The following F8 variants were observed in gnomAD, a reference collection of about 807,000 sequenced individuals.
F8 encodes the protein antihemophilic factor.
F8 carries 12 observed loss-of-function variants against 140.6 expected under a neutral mutation model. The observed-to-expected ratio is 0.09, with a 90% CI of 0.05 to 0.14. The LOEUF is 0.14. Among genes scored for constraint, F8 ranks in the 10% least tolerant of loss-of-function variants. F8 has a pLI of 1.00. For synonymous variants in F8, 585 were observed against 614.6 expected (o/e 0.95, Z 0.71); for missense variants, 1,354 against 1,720.7 (o/e 0.79, Z 3.77).
At chrX:154,925,549 G>A (rs1362818063) in intron 14 of F8, among the ~76,000 whole-genome samples, 9 of 112,637 alleles carry the variant, frequency 8.0e-5, no homozygotes, top group Admixed American at 6.5e-4. Context: ...CCAAGACCAT[G>A]GGCACCCACC....
intron 1 of F8, among the ~76,000 whole-genome samples, chrX:155,016,007 C>T (rs1050737213): frequency 2.7e-5 from 3 of 111,726 alleles, no homozygotes; most frequent in Non-Finnish European, 3.8e-5. Context: ...GAGGCCGAGG[C>T]GGGTGGATCA....
chrX:154,942,872 T>A (rs2073277523), intron 13 of F8, among the ~76,000 whole-genome samples: 1 of 106,493 alleles, frequency 9.4e-6, no homozygotes, highest in Admixed American at 1.0e-4. Context: ...TATATGCAAA[T>A]CAATAAATGT....
intron 22 of F8, among the ~76,000 whole-genome samples, chrX:154,893,352 A>T (rs1487558699): frequency 8.9e-6 from 1 of 112,373 alleles, no homozygotes; most frequent in Non-Finnish European, 1.9e-5. Flanking sequence ...AAATCTCTTC[A>T]AGTATTTTAC....
At chrX:154,987,972 G>A (rs2073568354) in intron 4 of F8, among the ~76,000 whole-genome samples, 3 of 111,119 alleles carry the variant, frequency 2.7e-5, no homozygotes, top group Non-Finnish European at 3.8e-5. Context: ...TCTCTCTCTC[G>A]CACCCTTAAT....
intron 6 of F8, among the ~76,000 whole-genome samples, chrX:154,970,814 G>A (rs2073453009): frequency 9.0e-6 from 1 of 111,307 alleles, no homozygotes; most frequent in African/African-American, 3.3e-5. Context: ...GGCTTACATA[G>A]AATTATGTAA....
At position 154,931,680 on chromosome X, in the gene F8, G is replaced by C; in HGVS notation, c.2114-4C>G. 1.7e-6 allele frequency: 2 copies of C among 1,200,347 alleles called. No homozygotes were observed. The highest frequency in any genetic ancestry group is 2.3e-6 in the Non-Finnish European group (2 of 885,453). On this transcript the variant is annotated splice_polypyrimidine_tract_variant and splice_region_variant and intron_variant, in intron 13 of 25. Transcript: ENST00000360256. ...TGGCACCCCAGAATCCATAGACCTG[G>C]AGATGAGGAAGAATAAGACTCTGGT... is the stretch of plus-strand genomic sequence containing the variant.
At chrX:154,902,962 A>T (rs1382901838) in intron 18 of F8, among the ~76,000 whole-genome samples, 1 of 112,047 alleles carries the variant, frequency 8.9e-6, no homozygotes, top group African/African-American at 3.2e-5. Flanking sequence ...AGCCTGATGC[A>T]GGCTCAAGTT....
chrX:154,982,113 G>C (rs929531072), intron 6 of F8, among the ~76,000 whole-genome samples: 44 of 109,896 alleles, frequency 4.0e-4, no homozygotes, highest in African/African-American at 1.5e-3. Flanking sequence ...GAACCCAAGA[G>C]GGGGAAGTTG....
chrX:154,837,576 C>A lies in F8; in HGVS notation c.*21G>T, dbSNP rs201147256. The A allele has an allele frequency of 8.4e-7, 1 of 1,185,077 alleles. No homozygotes were observed. The highest frequency in any genetic ancestry group is 1.7e-5 in the African/African-American group (1 of 57,173). On this transcript the variant is annotated 3_prime_UTR_variant, in exon 26 of 26. Transcript: ENST00000360256. ...GAGGAGGGAGAGGTGACGGCAGTGG[C>A]AGGTGCTGCAGTGGCCACCCTCAGT... is the stretch of plus-strand genomic sequence containing the variant.
At chrX:154,901,743 A>G (rs1235399018) in intron 19 of F8, among the ~76,000 whole-genome samples, 1 of 111,685 alleles carries the variant, frequency 9.0e-6, no homozygotes, top group Non-Finnish European at 1.9e-5. Context: ...GTTATCTGGT[A>G]ACTAAATCAA....
chrX:155,001,829 T>C (rs1557285640), intron 1 of F8, among the ~76,000 whole-genome samples: 1 of 110,816 alleles, frequency 9.0e-6, no homozygotes, highest in Non-Finnish European at 1.9e-5. Context: ...GGAGGATCAC[T>C]TGAGCCCAGA....
At position 154,928,673 on chromosome X, in the gene F8, C is replaced by T; in HGVS notation, c.5117G>A (p.Ser1706Asn). ...FDIYDEDENQ[S>N]PRSFQKKTRH... ...TGTTTTCTTTTGAAAGCTGCGGGGG[C>T]TCTGATTTTCATCCTCATCATAAAT... is the stretch of plus-strand genomic sequence containing the variant. Residue 1706 changes from serine to asparagine, a missense_variant, in exon 14 of 26, where the codon AGC (serine) becomes AAC (asparagine). Physicochemically the swap from Ser to Asn is conservative, Grantham distance 46 (BLOSUM62 1). Around this residue, in one of 4 missense-constraint regions of F8, gnomAD observed 658 missense variants for 666.5 expected, o/e 0.99. Coordinates refer to ENST00000360256, the MANE Select transcript of F8 (RefSeq NM_000132.4). The T allele has an allele frequency of 1.7e-6, 2 of 1,209,964 alleles. No individual in the cohort carries two copies. The highest frequency in any genetic ancestry group is 2.2e-6 in the Non-Finnish European group (2 of 894,732).
chrX:154,852,957 T>C (rs2072626977), intron 25 of F8, among the ~76,000 whole-genome samples: 1 of 112,101 alleles, frequency 8.9e-6, no homozygotes, highest in Non-Finnish European at 1.9e-5. Context: ...ATTCTTATCT[T>C]AAGAATATTA....
At chrX:154,950,619 T>C (rs1200056338) in intron 12 of F8, among the ~76,000 whole-genome samples, 1 of 112,262 alleles carries the variant, frequency 8.9e-6, no homozygotes, top group Non-Finnish European at 1.9e-5. Flanking sequence ...TATATGTATA[T>C]ATTGGAATGG....
chrX:155,004,087 G>A (rs2073664324), intron 1 of F8, among the ~76,000 whole-genome samples: 1 of 110,588 alleles, frequency 9.0e-6, no homozygotes, highest in African/African-American at 3.3e-5. Flanking sequence ...AAACCAGATG[G>A]GGAAAAACAC....
chrX:154,973,446 T>C (rs1335392155), intron 6 of F8, among the ~76,000 whole-genome samples: 1 of 112,752 alleles, frequency 8.9e-6, no homozygotes, highest in African/African-American at 3.2e-5. Context: ...TTGGCTTTAA[T>C]AATATTAATT....
chrX:155,021,550 G>A (rs1265215279), intron 1 of F8, among the ~76,000 whole-genome samples: 1 of 111,330 alleles, frequency 9.0e-6, no homozygotes, highest in Non-Finnish European at 1.9e-5. Flanking sequence ...AGCAGAAACT[G>A]ATGCAACAGA....
chrX:154,874,057 A>G (rs2072794479), intron 22 of F8, among the ~76,000 whole-genome samples: 1 of 112,666 alleles, frequency 8.9e-6, no homozygotes, highest in Non-Finnish European at 1.9e-5. Flanking sequence ...AAGACAACCT[A>G]TGGAATGGAT....
Position 154,931,418 on chromosome X carries a change from C to G in F8, c.2372G>C (p.Trp791Ser), listed in dbSNP as rs1444194016. The change falls in exon 14 of 26, where the codon TGG becomes TCG. Residue 791 changes from tryptophan to serine, a missense_variant. Transcript: ENST00000360256. ...AGGCATAGGTGTTCTGTGTGCAAAC[C>G]AAGGGTCAGTCTTCTCTATGTCATT... The part of the protein sequence containing the change: ...PENDIEKTDP[W>S]FAHRTPMPKI... 2 of 1,209,116 alleles carry G rather than the reference C, an allele frequency of 1.7e-6. No homozygotes were observed. Among genetic ancestry groups the G allele is most frequent in the Non-Finnish European group, 1.1e-6 (1 of 894,318 alleles).
Sources: gnomAD v4.1 joint callset for allele counts (sites outside exome capture counted in the v4.1 genomes callset) on GRCh38, gnomAD v4.1.1 for gene constraint, gnomAD v4.1.1 regional missense constraint, MANE v1.5 for transcripts, NCBI Gene and HGNC (gene_info 2026-07-23, HGNC 2026-07-21) for gene names.